The following TLE2 variants were observed in gnomAD, a reference collection of about 807,000 sequenced individuals.
TLE2 encodes TLE family member 2, transcriptional corepressor.
A neutral mutation model predicts 97.2 loss-of-function variants in TLE2; 74 were observed. The observed-to-expected ratio is 0.76, with a 90% CI of 0.63 to 0.92. TLE2 has a LOEUF of 0.92. Ranked by LOEUF, TLE2 falls within the 40% of genes least tolerant of loss-of-function variation. TLE2 has a pLI of 0.00. For missense variants in TLE2, 1,038 were observed against 1,008.7 expected, an observed-to-expected ratio of 1.03 and a Z score of -0.39; for synonymous variants, 499 against 432.1, an observed-to-expected ratio of 1.15 and a Z score of -1.92.
chr19:3,005,946 G>A lies in TLE2; in HGVS notation c.1523C>T (p.Ser508Phe). 1.2e-6 allele frequency: 2 copies of A among 1,610,644 alleles called. No individual in the cohort carries two copies. Among genetic ancestry groups the A allele is most frequent in the East Asian group, 2.2e-5 (1 of 44,760 alleles). Reference protein sequence around the residue: ...DCLNRDNYIRSCKLLPDGRSL... With the variant: ...DCLNRDNYIRFCKLLPDGRSL... ...CCGGCCATCCGGCAGCAACTTGCAG[G>A]AACGAATGTAGTTGTCTCGGTTCTG... The change falls in exon 16 of 20, where the codon TCC becomes TTC. Residue 508 changes from serine to phenylalanine, a missense_variant. Ser to Phe is a radical substitution (Grantham distance 155). Transcript: ENST00000262953.
At chr19:3,018,451 C>G (rs2089762390) in intron 7 of TLE2, among the ~76,000 whole-genome samples, 3 of 151,214 alleles carry the variant, frequency 2.0e-5, no homozygotes, top group Admixed American at 1.3e-4. Context: ...CACCACCATG[C>G]CCAGCTAATT....
chr19:3,006,186 T>C, intron 15 of TLE2: 1 of 952,910 alleles, frequency 1.0e-6, no homozygotes, highest in Non-Finnish European at 1.7e-6. Context: ...CCACCCATGG[T>C]TGGCCTGCAA....
rs768153100 is a variant in TLE2, at chr19:3,019,431, G to A, written c.402C>T (p.Pro134=). The A allele has an allele frequency of 2.9e-5, 44 of 1,534,998 alleles. 1 individual carries two copies. In the South Asian group the frequency reaches 5.0e-4, roughly 17 times the overall value. ...CTGGGCGGGGGGTGAGGGGCACAGG[G>A]GGTGCGTGGTGGGACAGCGGCTGGA... is the stretch of plus-strand genomic sequence containing the variant. ...QQLQPLSHHA[P]PVPLTPRPAG... Residue 134 remains proline, a synonymous_variant, in exon 7 of 20, where the codon CCC becomes CCT. Transcript: ENST00000262953. This position sits in a 1 kb window ranked among gnomAD's most constrained non-coding sequence, Gnocchi z 5.1.
intron 1 of TLE2, among the ~76,000 whole-genome samples, chr19:3,037,291 A>G (rs1163655584): frequency 6.6e-6 from 1 of 152,216 alleles, no homozygotes; most frequent in Non-Finnish European, 1.5e-5. Context: ...TCTCAAAAAC[A>G]AAAACAAAAA....
chr19:3,043,364 CTTTTTTTTTT>C (rs71337196), intron 1 of TLE2, among the ~76,000 whole-genome samples: 1 of 108,896 alleles, frequency 9.2e-6, no homozygotes, highest in Non-Finnish European at 1.8e-5. Flanking sequence ...CCTTCTGCAG[CTTTTTTTTTT>C]TTTTTTTTTT....
chr19:3,029,871 A>G (rs190278159), upstream of TLE2, among the ~76,000 whole-genome samples: 48 of 152,146 alleles, frequency 3.2e-4, no homozygotes, highest in African/African-American at 1.1e-3. Flanking sequence ...ATCATGGCTC[A>G]CTGCAGCCTC....
upstream of TLE2, chr19:3,029,561 G>GGA (rs1050241432): frequency 3.4e-5 from 28 of 812,922 alleles, 2 homozygotes; most frequent in African/African-American, 8.2e-5. Flanking sequence ...GTGGGAGCGG[G>GGA]GGGGGGGGCT....
At chr19:3,025,955 T>C (rs1313386930) in intron 4 of TLE2, among the ~76,000 whole-genome samples, 2 of 145,846 alleles carry the variant, frequency 1.4e-5, no homozygotes, top group African/African-American at 2.5e-5. Flanking sequence ...CACCCCACAC[T>C]CCCAGCCCAC....
At chr19:3,033,237 A>G (rs969378193), upstream of TLE2, among the ~76,000 whole-genome samples, 4 of 151,344 alleles carry the variant, frequency 2.6e-5, no homozygotes, top group Admixed American at 2.6e-4. Flanking sequence ...GTGCCATCTC[A>G]GCTCACTGCA....
rs747603021 is a variant in TLE2 at position 3,000,692 on chromosome 19, G to T, written c.2079C>A (p.Asn693Lys). Residue 693 changes from asparagine (N) to lysine (K), a missense_variant, in exon 19 of 20, where the codon AAC (asparagine) becomes AAA (lysine). Asn to Lys is a moderately conservative substitution (Grantham distance 94). Coordinates refer to ENST00000262953, the MANE Select transcript of TLE2 (RefSeq NM_003260.5). ...ACGGCGTCCTCCAGGCGTTGAGCAG[G>T]TTGTCCTTCCCGGTGCTCACAAACC... ...GRWFVSTGKDNLLNAWRTPYG... is the reference protein window; with the variant it reads ...GRWFVSTGKDKLLNAWRTPYG... 5.0e-6 allele frequency: 8 copies of T among 1,594,610 alleles called. No individual in the cohort carries two copies. In the Admixed American group the frequency reaches 1.4e-4, roughly 28 times the overall value.
upstream of TLE2, among the ~76,000 whole-genome samples, chr19:3,033,264 T>C (rs1033017331): frequency 1.3e-5 from 2 of 152,058 alleles, no homozygotes; most frequent in African/African-American, 4.8e-5. Flanking sequence ...GCCTCCCAGG[T>C]TCACACCATT....
intron 14 of TLE2, among the ~76,000 whole-genome samples, chr19:3,007,944 C>T (rs1161048655): frequency 2.0e-5 from 3 of 151,802 alleles, no homozygotes; most frequent in African/African-American, 4.8e-5. Context: ...AATTAGCCGG[C>T]GGTGGTCCGT....
rs1019942590 is a variant in TLE2, at chr19:3,019,684, G to A, written c.369+15C>T. On this transcript the variant is annotated intron_variant, in intron 6 of 19. Coordinates refer to ENST00000262953, the MANE Select transcript of TLE2 (RefSeq NM_003260.5). The surrounding 1 kb of genome is among the most constrained non-coding windows in gnomAD (Gnocchi z 5.1). Reference sequence around the variant, plus strand: ...GGCGTCTCCCCATGGCGGGGCAGGGGCTAGAGAGACTCACCCCGATGAGGC... The same window carrying A: ...GGCGTCTCCCCATGGCGGGGCAGGGACTAGAGAGACTCACCCCGATGAGGC... 11 of 1,603,956 alleles carry A rather than the reference G, an allele frequency of 6.9e-6. No individual in the cohort carries two copies. The highest frequency in any genetic ancestry group is 8.5e-6 in the Non-Finnish European group (10 of 1,175,610).
At chr19:3,003,190 T>C (rs1331573842) in intron 17 of TLE2, among the ~76,000 whole-genome samples, 3 of 152,094 alleles carry the variant, frequency 2.0e-5, no homozygotes, top group African/African-American at 7.2e-5. Context: ...GCACATCCAT[T>C]ATCTGCTCTG....
intron 5 of TLE2, among the ~76,000 whole-genome samples, chr19:3,023,300 T>G (rs1431943092): frequency 6.6e-6 from 1 of 152,152 alleles, no homozygotes; most frequent in African/African-American, 2.4e-5. Flanking sequence ...CCTCCCAAAG[T>G]GCTGGGATTA....
chr19:2,999,695 C>G lies in TLE2; in HGVS notation c.2124+952G>C, dbSNP rs2089308191. On this transcript the variant is annotated intron_variant, in intron 19 of 19. Transcript: ENST00000262953. Reference sequence around the variant, plus strand: ...TAAGCAGAGATAGTGCCGCTGCACTCCAGCCTGGGTGACAGAGTGAGACTC... The same window carrying G: ...TAAGCAGAGATAGTGCCGCTGCACTGCAGCCTGGGTGACAGAGTGAGACTC... Among the ~76,000 whole-genome samples the G allele has an allele frequency of 2.7e-5, 4 of 147,484 alleles. No homozygotes were observed. The South Asian group carries it at 8.5e-4, about 31-fold the overall frequency.
At chr19:3,006,390 G>A in intron 15 of TLE2, 30 bp downstream of exon 15, 1 of 1,600,900 alleles carries the variant, frequency 6.2e-7, no homozygotes, top group Non-Finnish European at 8.5e-7. Context: ...TCACCTGTGA[G>A]TCCCGCCCAC....
At chr19:3,025,178 G>A (rs2089920948) in intron 4 of TLE2, 96 bp from the exon 5 acceptor site, 1 of 1,296,172 alleles carries the variant, frequency 7.7e-7, no homozygotes, top group Non-Finnish European at 1.1e-6. Context: ...AAAGCCGAAG[G>A]GTTGGGGAGG....
Position 3,009,541 on chromosome 19 carries a change from C to A in TLE2, c.1173+1G>T. 1 of 1,604,742 alleles carries A rather than the reference C, an allele frequency of 6.2e-7. No individual in the cohort carries two copies. The highest frequency in any genetic ancestry group is 8.5e-7 in the Non-Finnish European group (1 of 1,175,734). On this transcript the variant is annotated splice_donor_variant, in intron 13 of 19. Transcript: ENST00000262953. LOFTEE classifies it high-confidence loss of function. Reference sequence around the variant, plus strand: ...TCCTGCGCCCCCACCCAAGGACTCACCACGGGGGAGCGTCCGTACACCACA... The same window carrying A: ...TCCTGCGCCCCCACCCAAGGACTCAACACGGGGGAGCGTCCGTACACCACA...
Sources: gnomAD v4.1 joint callset for allele counts (sites outside exome capture counted in the v4.1 genomes callset) on GRCh38, gnomAD v4.1.1 for gene constraint, Gnocchi (gnomAD v3.1) non-coding constraint, MANE v1.5 for transcripts, NCBI Gene and HGNC (gene_info 2026-07-23, HGNC 2026-07-21) for gene names.